UPK1B: variants seen among roughly 807,000 people sequenced by gnomAD.
The protein encoded by UPK1B is uroplakin 1B.
A neutral mutation model predicts 34.2 loss-of-function variants in UPK1B; 28 were observed. The observed-to-expected ratio is 0.82, with a 90% CI of 0.61 to 1.12. UPK1B has a LOEUF of 1.12. UPK1B is among the 50% of genes most tolerant of loss of function. The pLI, the probability that UPK1B is intolerant of heterozygous loss-of-function variation, is 0.00. For missense variants in UPK1B, 325 were observed against 320.9 expected (o/e 1.01, Z -0.10); for synonymous variants, 81 against 110.4 (o/e 0.73, Z 1.67).
At position 119,177,984 on chromosome 3, in the gene UPK1B, C is replaced by T. The variant is rs991211923; in HGVS notation, c.-29+4346C>T. On this transcript the variant is annotated intron_variant, in intron 1 of 7. Transcript: ENST00000264234. The stretch of plus-strand genomic sequence containing the variant: ...GAGAAGAGGTTTTTCAGCTGGGCTT[C>T]GGAAGGTGGTAAAGAGTTCGATAGG... Among the ~76,000 whole-genome samples the T allele has an allele frequency of 1.5e-4, 22 of 150,804 alleles. 1 individual carries two copies. Among genetic ancestry groups the T allele is most frequent in the Admixed American group, 5.3e-4 (8 of 15,112 alleles).
chr3:119,173,855 A>G (rs910913772), intron 1 of UPK1B, among the ~76,000 whole-genome samples: 2 of 152,220 alleles, frequency 1.3e-5, no homozygotes, highest in South Asian at 2.1e-4. Context: ...TACCCTTGAT[A>G]TAAGTCTTGT....
chr3:119,200,068 C>T (rs1203162902), intron 7 of UPK1B, among the ~76,000 whole-genome samples: 1 of 152,170 alleles, frequency 6.6e-6, no homozygotes, highest in Non-Finnish European at 1.5e-5. Context: ...CTCATATTTG[C>T]ACCTTCATTC....
intron 1 of UPK1B, among the ~76,000 whole-genome samples, chr3:119,185,544 T>TA (rs2078014089): frequency 6.6e-6 from 1 of 151,966 alleles, no homozygotes; most frequent in African/African-American, 2.4e-5. Flanking sequence ...CTGCAAGACT[T>TA]ACGTCTTCCC....
chr3:119,175,605 AC>A (rs2107569578), intron 1 of UPK1B, among the ~76,000 whole-genome samples: 1 of 135,238 alleles, frequency 7.4e-6, no homozygotes. Context: ...GGCAATGCCC[AC>A]ACCTGAGGCC....
At chr3:119,189,839 T>C (rs2078036119) in intron 3 of UPK1B, among the ~76,000 whole-genome samples, 1 of 152,256 alleles carries the variant, frequency 6.6e-6, no homozygotes, top group African/African-American at 2.4e-5. Flanking sequence ...TATGAGGCCC[T>C]ATACTGTATG....
chr3:119,192,058 T>C (rs1176518656), intron 5 of UPK1B, among the ~76,000 whole-genome samples: 2 of 152,128 alleles, frequency 1.3e-5, no homozygotes, highest in Non-Finnish European at 2.9e-5. Context: ...GATTTTGTCT[T>C]TCTCCCCACC....
At chr3:119,183,335 C>T (rs2077998309) in intron 1 of UPK1B, among the ~76,000 whole-genome samples, 1 of 150,354 alleles carries the variant, frequency 6.7e-6, no homozygotes, top group Non-Finnish European at 1.5e-5. Context: ...AATCATGGCT[C>T]ACCACAACCT....
At chr3:119,179,507 C>CTTTTTGTTTTTTTTTTTTT (rs2077978231) in intron 1 of UPK1B, among the ~76,000 whole-genome samples, 2 of 52,256 alleles carry the variant, frequency 3.8e-5, no homozygotes, top group Non-Finnish European at 3.7e-5. Flanking sequence ...ATGTTGCAGT[C>CTTTTTGTTTTTTTTTTTTT]TTTTTTTTTT....
chr3:119,199,835 CA>C, intron 7 of UPK1B, among the ~76,000 whole-genome samples: 1 of 152,148 alleles, frequency 6.6e-6, no homozygotes. Context: ...TTTACACTCT[CA>C]AAAATTATTG....
chr3:119,186,711 C>T lies in UPK1B; in HGVS notation c.-28-3C>T. ...AGCAGTTATTTGGTAATGCTTTCAACAGTGCCTTCAGCTTGTGGGAAATCC... is the reference window on the plus strand; with the variant it reads ...AGCAGTTATTTGGTAATGCTTTCAATAGTGCCTTCAGCTTGTGGGAAATCC... On this transcript the variant is annotated splice_region_variant and splice_polypyrimidine_tract_variant and intron_variant, in intron 1 of 7. Transcript: ENST00000264234. 1 of 1,612,104 alleles carries T rather than the reference C, an allele frequency of 6.2e-7. No individual in the cohort carries two copies. The highest frequency in any genetic ancestry group is 8.5e-7 in the Non-Finnish European group (1 of 1,178,452).
chr3:119,181,286 T>A (rs1175861942), intron 1 of UPK1B, among the ~76,000 whole-genome samples: 2 of 152,158 alleles, frequency 1.3e-5, no homozygotes, highest in Non-Finnish European at 2.9e-5. Flanking sequence ...ATTTCCCTAT[T>A]TCCTTTGAAA....
chr3:119,179,497 A>G (rs2077978065), intron 1 of UPK1B, among the ~76,000 whole-genome samples: 2 of 85,082 alleles, frequency 2.4e-5, no homozygotes, highest in African/African-American at 4.2e-5. Flanking sequence ...GGAAGAGTTG[A>G]TGTTGCAGTC....
chr3:119,175,651 C>T (rs2077953626), intron 1 of UPK1B, among the ~76,000 whole-genome samples: 2 of 151,812 alleles, frequency 1.3e-5, no homozygotes, highest in Admixed American at 6.6e-5. Context: ...CCATTGCTTA[C>T]AGCTAGTCCC....
At position 119,186,138 on chromosome 3, in the gene UPK1B, T is replaced by A. The variant is rs78665791; in HGVS notation, c.-28-576T>A. ...CGTGCATGCAAAGCACCTGGTAGAG[T>A]GGCACACACCTGGCAGAAGGAAGTA... On this transcript the variant is annotated intron_variant, in intron 1 of 7. Coordinates refer to ENST00000264234, the MANE Select transcript of UPK1B (RefSeq NM_006952.4). Among the ~76,000 whole-genome samples the A allele has an allele frequency of 2.6e-3, 403 of 152,298 alleles. 2 individuals carry two copies. Among genetic ancestry groups the A allele is most frequent in the African/African-American group, 9.3e-3 (388 of 41,562 alleles).
chr3:119,200,949 T>C lies in UPK1B; in HGVS notation c.732+1809T>C, dbSNP rs536155410. On this transcript the variant is annotated intron_variant, in intron 7 of 7. Transcript: ENST00000264234. ...TACTTCCTTTCTGTCATGCAGAATA[T>C]TTAAAAAGATGTGTACTCAAAGGCC... Among the ~76,000 whole-genome samples, 15 of 152,368 alleles carry C rather than the reference T, an allele frequency of 9.8e-5. No individual in the cohort carries two copies. The South Asian group carries it at 2.1e-3, about 21-fold the overall frequency.
intron 3 of UPK1B, among the ~76,000 whole-genome samples, chr3:119,189,639 G>A (rs2078035443): frequency 6.6e-6 from 1 of 152,254 alleles, no homozygotes; most frequent in Non-Finnish European, 1.5e-5. Context: ...GAGTGTGGGT[G>A]CGTGTGAAAG....
chr3:119,179,807 T>A (rs1159915509), intron 1 of UPK1B, among the ~76,000 whole-genome samples: 1 of 2,818 alleles, frequency 3.5e-4, no homozygotes, highest in East Asian at 0.017. Context: ...ACGCCCGGCT[T>A]TTTTTTTTTT....
chr3:119,178,516 C>G (rs2077969490), intron 1 of UPK1B, among the ~76,000 whole-genome samples: 1 of 152,110 alleles, frequency 6.6e-6, no homozygotes, highest in Non-Finnish European at 1.5e-5. Flanking sequence ...GGCTAAGTGG[C>G]TGGCACTTGG....
chr3:119,199,172 G>A, intron 7 of UPK1B, 32 bp downstream of exon 7: 1 of 1,612,278 alleles, frequency 6.2e-7, no homozygotes, highest in Non-Finnish European at 8.5e-7. Context: ...TTTTATCTGA[G>A]AGGATGATCA....
Sources: allele counts gnomAD v4.1 joint callset (sites outside exome capture counted in the v4.1 genomes callset), GRCh38; gene constraint gnomAD v4.1.1; transcripts MANE v1.5; gene names NCBI Gene and HGNC (gene_info 2026-07-23, HGNC 2026-07-21).